Variants in RUFY2 observed in about 807,000 individuals in gnomAD.
The protein encoded by RUFY2 is RUN and FYVE domain-containing protein 2.
RUFY2 carries 49 observed loss-of-function variants against 94.4 expected under a neutral mutation model. The observed-to-expected ratio is 0.52, with a 90% CI of 0.41 to 0.66. The LOEUF (loss-of-function observed/expected upper bound fraction) is 0.66. Ranked by LOEUF, RUFY2 falls within the 30% of genes least tolerant of loss-of-function variation. The pLI is 0.00. For synonymous variants in RUFY2, 255 were observed against 235.7 expected (o/e 1.08, Z -0.75); for missense variants, 541 against 692.8 (o/e 0.78, Z 2.46).
intron 13 of RUFY2, among the ~76,000 whole-genome samples, chr10:68,366,759 T>TATTATATATATAA (rs1235098742): frequency 2.3e-5 from 3 of 131,868 alleles, no homozygotes; most frequent in Non-Finnish European, 3.2e-5. Context: ...TATATATATA[T>TATTATATATATAA]AATATTAAAT....
chr10:68,341,501 AT>A, downstream of RUFY2: 1 of 1,071,412 alleles, frequency 9.3e-7, no homozygotes, highest in Non-Finnish European at 1.4e-6. Flanking sequence ...ATATTACTTA[AT>A]TGATCTTTTT....
Position 68,364,507 on chromosome 10 carries a change from T to C in RUFY2, c.1326-394A>G, listed in dbSNP as rs186290227. Among the ~76,000 whole-genome samples, 945 of 152,222 alleles carry C rather than the reference T, an allele frequency of 6.2e-3. 6 individuals are homozygous for C. The highest frequency in any genetic ancestry group is 0.011 in the Non-Finnish European group (716 of 68,022). ...TTACACTTCTATGCCATGTGAAAAA[T>C]TTTACAACAAACTTTATTCCAATAT... On this transcript the variant is annotated intron_variant, in intron 13 of 17. Transcript: ENST00000602465.
At chr10:68,341,764 C>A, downstream of RUFY2, 2 of 1,600,608 alleles carry the variant, frequency 1.2e-6, no homozygotes, top group Non-Finnish European at 1.7e-6. Context: ...TAAAGATAAT[C>A]AGGGAGGCTA....
intron 3 of RUFY2, among the ~76,000 whole-genome samples, chr10:68,399,705 A>C (rs2050666980): frequency 6.6e-6 from 1 of 152,268 alleles, no homozygotes; most frequent in African/African-American, 2.4e-5. Context: ...GAAAATGCTT[A>C]ATGCAAAAAA....
intron 11 of RUFY2, 70 bp from the exon 12 acceptor site, chr10:68,379,591 G>T: frequency 8.9e-7 from 1 of 1,119,972 alleles, no homozygotes; most frequent in Non-Finnish European, 1.3e-6. Flanking sequence ...GTGTGTGTGC[G>T]TGTTTTTAAT....
At chr10:68,390,059 T>C (rs1293397628) in intron 7 of RUFY2, among the ~76,000 whole-genome samples, 1 of 152,190 alleles carries the variant, frequency 6.6e-6, no homozygotes, top group Non-Finnish European at 1.5e-5. Flanking sequence ...ATATTAATAT[T>C]ACCTGTTACC....
At chr10:68,366,737 A>AAAATATATATATATATATATATAATATT in intron 13 of RUFY2, among the ~76,000 whole-genome samples, 1 of 116,408 alleles carries the variant, frequency 8.6e-6, no homozygotes, top group East Asian at 2.5e-4. Flanking sequence ...GTGAGACTCT[A>AAAATATATATATATATATATATAATATT]AAATATATAT....
rs189102292 is a variant in RUFY2 at position 68,355,476 on chromosome 10, T to C, written c.1551-75A>G. 1.7e-4 allele frequency: 155 copies of C among 890,074 alleles called. 2 individuals are homozygous for C. The African/African-American group carries it at 2.3e-3, about 13-fold the overall frequency. The allele number at this position is 890,074 out of a possible 1,614,324, so 55.1% of individuals were successfully genotyped here. A position where few individuals can be genotyped will look rare whatever the true frequency, so the allele number is the denominator to read the frequency against. ...AGAACACTTAGTATTTCAGTAGGTATTGGTATTTCATAGGATATAAAATTA... is the reference window on the plus strand; with the variant it reads ...AGAACACTTAGTATTTCAGTAGGTACTGGTATTTCATAGGATATAAAATTA... On this transcript the variant is annotated intron_variant, in intron 15 of 17. Transcript: ENST00000602465.
downstream of RUFY2, chr10:68,342,126 C>A: frequency 1.8e-6 from 2 of 1,086,218 alleles, no homozygotes; most frequent in South Asian, 1.7e-5. Flanking sequence ...GATTTAATTT[C>A]TTTTGTATTT....
chr10:68,368,189 G>A (rs578014998), intron 13 of RUFY2, among the ~76,000 whole-genome samples: 12 of 151,166 alleles, frequency 7.9e-5, no homozygotes, highest in African/African-American at 9.7e-5. Context: ...GGCTGGTCTC[G>A]AACTCTTGAC....
chr10:68,388,790 C>G (rs1322360857), intron 7 of RUFY2, among the ~76,000 whole-genome samples: 1 of 140,248 alleles, frequency 7.1e-6, no homozygotes, highest in East Asian at 2.1e-4. Flanking sequence ...GAGCCAAGAT[C>G]AGGCCACTGC....
chr10:68,374,661 A>G (rs2048504448), intron 13 of RUFY2, among the ~76,000 whole-genome samples: 2 of 152,238 alleles, frequency 1.3e-5, no homozygotes, highest in Admixed American at 6.5e-5. Context: ...TTCAATAGGT[A>G]TAAAGGCAGC....
At chr10:68,369,605 A>T (rs1308163217) in intron 13 of RUFY2, among the ~76,000 whole-genome samples, 1 of 152,034 alleles carries the variant, frequency 6.6e-6, no homozygotes, top group Non-Finnish European at 1.5e-5. Flanking sequence ...ACAGGTTATC[A>T]CAAGAATGGG....
At chr10:68,372,308 G>A (rs913051121) in intron 13 of RUFY2, among the ~76,000 whole-genome samples, 1 of 152,106 alleles carries the variant, frequency 6.6e-6, no homozygotes, top group African/African-American at 2.4e-5. Context: ...GCTGAGGTGA[G>A]AGGATCCCTT....
In RUFY2 at chr10:68,401,603, G is replaced by GT; in HGVS notation, c.296+16dup. The GT allele has an allele frequency of 6.7e-7, 1 of 1,486,124 alleles. No individual in the cohort carries two copies. The highest frequency in any genetic ancestry group is 1.1e-5 in the South Asian group (1 of 88,478). 92.1% of individuals were successfully genotyped at this position (1,486,124 alleles called of 1,614,324 possible). A position where few individuals can be genotyped will look rare whatever the true frequency, so the allele number is the denominator to read the frequency against. On this transcript the variant is annotated intron_variant, in intron 3 of 17. Coordinates refer to ENST00000602465, the MANE Select transcript of RUFY2 (RefSeq NM_001330103.2). ...CACTTCTGTGGCTAGGGATGAACAA[G>GT]TAATAGGCCTCCTTACTTCAGACCA...
intron 13 of RUFY2, among the ~76,000 whole-genome samples, chr10:68,371,259 A>G (rs1322858224): frequency 6.6e-6 from 1 of 152,032 alleles, no homozygotes; most frequent in Non-Finnish European, 1.5e-5. Flanking sequence ...GTATCTACTA[A>G]AAATACAAAA....
chr10:68,343,399 C>A (rs1367006321), downstream of RUFY2: 1 of 152,524 alleles, frequency 6.6e-6, no homozygotes, highest in East Asian at 1.9e-4. Flanking sequence ...AGGGCATACA[C>A]CACCTGTCTT....
At chr10:68,406,177 AC>A (rs1305048185) in intron 1 of RUFY2, among the ~76,000 whole-genome samples, 149 of 151,866 alleles carry the variant, frequency 9.8e-4, no homozygotes, top group African/African-American at 3.4e-3. Context: ...AACAACAACA[AC>A]AACAAAAAAC....
At chr10:68,366,781 ATAAT>A (rs1410988328) in intron 13 of RUFY2, among the ~76,000 whole-genome samples, 31 of 104,374 alleles carry the variant, frequency 3.0e-4, no homozygotes, top group Middle Eastern at 4.1e-3. Context: ...TATTAAATAA[ATAAT>A]TAATAATATA....
Sources: allele counts gnomAD v4.1 joint callset (sites outside exome capture counted in the v4.1 genomes callset), GRCh38; gene constraint gnomAD v4.1.1; transcripts MANE v1.5; gene names NCBI Gene and HGNC (gene_info 2026-07-23, HGNC 2026-07-21).